Variants in PPP1R16A observed in about 807,000 individuals in gnomAD.
PPP1R16A encodes the protein myosin phosphatase-targeting subunit 3.
A neutral mutation model predicts 46.6 loss-of-function variants in PPP1R16A; 39 were observed. The observed-to-expected ratio is 0.84, with a 90% CI of 0.65 to 1.09. The LOEUF (loss-of-function observed/expected upper bound fraction) is 1.09. Among genes scored for constraint, PPP1R16A ranks in the 50% least tolerant of loss-of-function variants. The pLI is 0.00. For synonymous variants in PPP1R16A, 413 were observed against 321.5 expected (o/e 1.28, Z -3.04); for missense variants, 798 against 735.6 (o/e 1.08, Z -0.98).
At chr8:144,487,536 A>G (rs900161202) in intron 1 of PPP1R16A, among the ~76,000 whole-genome samples, 2 of 151,990 alleles carry the variant, frequency 1.3e-5, no homozygotes, top group Non-Finnish European at 2.9e-5. Context: ...TGCCTGGCTA[A>G]TTTTTTAAAT....
chr8:144,482,938 GC>G (rs1699015305), intron 1 of PPP1R16A, among the ~76,000 whole-genome samples: 1 of 151,768 alleles, frequency 6.6e-6, no homozygotes, highest in African/African-American at 2.4e-5. Flanking sequence ...GAGCCACCGC[GC>G]CCGGCTTATT....
chr8:144,498,687 T>C, intron 3 of PPP1R16A, 83 bp from the exon 4 acceptor site: 1 of 1,381,666 alleles, frequency 7.2e-7, no homozygotes, highest in Non-Finnish European at 9.8e-7. Context: ...TTCCTTGTCC[T>C]TCCCTGGGTC....
intron 1 of PPP1R16A, among the ~76,000 whole-genome samples, chr8:144,483,192 C>T (rs1825506756): frequency 6.6e-6 from 1 of 152,172 alleles, no homozygotes; most frequent in Non-Finnish European, 1.5e-5. Context: ...ACATGTCAGT[C>T]TTTCTATCTA....
At chr8:144,479,110 T>G (rs1825294228) in intron 1 of PPP1R16A, 1 of 152,290 alleles carries the variant, frequency 6.6e-6, no homozygotes, top group Non-Finnish European at 1.5e-5. Context: ...GGGGTTTCTC[T>G]GGGAGAAGGG....
intron 2 of PPP1R16A, among the ~76,000 whole-genome samples, chr8:144,491,058 A>G (rs1825794450): frequency 6.6e-6 from 1 of 152,158 alleles, no homozygotes. Context: ...ACCCTGCCTC[A>G]GAAGCAAACA....
At position 144,500,617 on chromosome 8, in the gene PPP1R16A, G is replaced by A. The variant is rs1207372297; in HGVS notation, c.831+5G>A. ...GCCGCGGCCTACTGGGGCCAGGTGA[G>A]TGCGGGCGGGAGCAGGTGGGAGGGG... On this transcript the variant is annotated splice_donor_5th_base_variant and intron_variant, in intron 8 of 11. Transcript: ENST00000435887. The A allele has an allele frequency of 6.2e-7, 1 of 1,601,914 alleles. No homozygotes were observed. The highest frequency in any genetic ancestry group is 8.5e-7 in the Non-Finnish European group (1 of 1,179,124).
chr8:144,486,056 C>A (rs1825615656), intron 1 of PPP1R16A, among the ~76,000 whole-genome samples: 1 of 152,160 alleles, frequency 6.6e-6, no homozygotes, highest in South Asian at 2.1e-4. Context: ...TCATGTTTCA[C>A]CTGTTACAAG....
At chr8:144,487,622 G>A (rs1359580053) in intron 1 of PPP1R16A, among the ~76,000 whole-genome samples, 1 of 152,092 alleles carries the variant, frequency 6.6e-6, no homozygotes, top group African/African-American at 2.4e-5. Context: ...CTCCTGCCTC[G>A]GCCTCCCAAA....
Position 144,500,915 on chromosome 8 carries a change from C to G in PPP1R16A, c.981C>G (p.Ala327=). The G allele has an allele frequency of 6.5e-7, 1 of 1,531,468 alleles. No homozygotes were observed. Among genetic ancestry groups the G allele is most frequent in the Non-Finnish European group, 8.8e-7 (1 of 1,142,418 alleles). 94.9% of individuals were successfully genotyped at this position (1,531,468 alleles called of 1,614,324 possible). A position where few individuals can be genotyped will look rare whatever the true frequency, so the allele number is the denominator to read the frequency against. The part of the protein sequence containing the change: ...LKHKHDALLR[A]QSRQRSLLRR... ...ACAAGCACGACGCCCTCCTGCGCGCCCAGAGCCGCCAGCGCTCCTTGCTGC... is the reference window on the plus strand; with the variant it reads ...ACAAGCACGACGCCCTCCTGCGCGCGCAGAGCCGCCAGCGCTCCTTGCTGC... Residue 327 remains alanine, a synonymous_variant, in exon 10 of 12, where the codon GCC becomes GCG. Transcript: ENST00000435887.
In PPP1R16A at chr8:144,498,904, C is replaced by T; in HGVS notation, c.331-12C>T. 6.2e-7 allele frequency: 1 copy of T among 1,612,774 alleles called. No homozygotes were observed. The highest frequency in any genetic ancestry group is 8.5e-7 in the Non-Finnish European group (1 of 1,179,846). ...CCCCGTGCTCTGGTCGCTCACGTGG[C>T]ACGGTTTGCAGTGCTGCATTGATGA... On this transcript the variant is annotated splice_polypyrimidine_tract_variant and intron_variant, in intron 4 of 11. Transcript: ENST00000435887.
In PPP1R16A at chr8:144,501,772, C is replaced by T; in HGVS notation, c.1456C>T (p.Leu486=). The T allele has an allele frequency of 6.4e-7, 1 of 1,565,488 alleles. No homozygotes were observed. The highest frequency in any genetic ancestry group is 1.4e-5 in the African/African-American group (1 of 73,636). Residue 486 remains leucine (L), a synonymous_variant, in exon 12 of 12, where the codon CTG becomes TTG. Transcript: ENST00000435887. Reference sequence around the variant, plus strand: ...GAGCCCTGAGACAGCTGAGCCTGGCCTGCCTGGTGACACGGTGACCCCCCA... The same window carrying T: ...GAGCCCTGAGACAGCTGAGCCTGGCTTGCCTGGTGACACGGTGACCCCCCA... ...PESPETAEPG[L]PGDTVTPQPD...
At chr8:144,486,112 G>T (rs1416408470) in intron 1 of PPP1R16A, among the ~76,000 whole-genome samples, 1 of 152,108 alleles carries the variant, frequency 6.6e-6, no homozygotes, top group Non-Finnish European at 1.5e-5. Context: ...GAATAAAGTT[G>T]CCATGAACAT....
chr8:144,500,781 C>T lies in PPP1R16A; in HGVS notation c.907+20C>T, dbSNP rs1184189832. The stretch of plus-strand genomic sequence containing the variant: ...CCCTTGGTGAGCTTGCGGGGCCCAC[C>T]TCCACCTGGGGGAGAGGACAGGCGG... On this transcript the variant is annotated intron_variant, in intron 9 of 11. Transcript: ENST00000435887. 1.2e-6 allele frequency: 2 copies of T among 1,609,352 alleles called. No individual in the cohort carries two copies. Among genetic ancestry groups the T allele is most frequent in the Admixed American group, 1.7e-5 (1 of 59,626 alleles).
intron 3 of PPP1R16A, chr8:144,498,288 C>T (rs965071362): frequency 3.1e-5 from 11 of 352,078 alleles, no homozygotes; most frequent in African/African-American, 1.9e-4. Flanking sequence ...GAGCTGGGCC[C>T]GAGTTGGGAT....
chr8:144,500,920 G>A lies in PPP1R16A; in HGVS notation c.986G>A (p.Ser329Asn), dbSNP rs1270728183. The A allele has an allele frequency of 6.5e-7, 1 of 1,528,498 alleles. No individual in the cohort carries two copies. Among genetic ancestry groups the A allele is most frequent in the African/African-American group, 1.4e-5 (1 of 70,534 alleles). The allele number at this position is 1,528,498 out of a possible 1,614,324, so 94.7% of individuals were successfully genotyped here. A position where few individuals can be genotyped will look rare whatever the true frequency, so the allele number is the denominator to read the frequency against. Residue 329 changes from serine (S) to asparagine (N), a missense_variant, in exon 10 of 12, where the codon AGC (serine) becomes AAC (asparagine). Physicochemically the swap from Ser to Asn is conservative, Grantham distance 46. Transcript: ENST00000435887. Reference sequence around the variant, plus strand: ...CACGACGCCCTCCTGCGCGCCCAGAGCCGCCAGCGCTCCTTGCTGCGCCGC... The same window carrying A: ...CACGACGCCCTCCTGCGCGCCCAGAACCGCCAGCGCTCCTTGCTGCGCCGC... ...HKHDALLRAQSRQRSLLRRRT... is the reference protein window; with the variant it reads ...HKHDALLRAQNRQRSLLRRRT...
chr8:144,497,860 G>C (rs1249067111), intron 3 of PPP1R16A: 4 of 368,822 alleles, frequency 1.1e-5, no homozygotes, highest in Non-Finnish European at 1.6e-5. Context: ...GTGAAATAGG[G>C]TGGGACCAGC....
At chr8:144,494,581 G>C (rs779393536) in intron 2 of PPP1R16A, among the ~76,000 whole-genome samples, 19 of 152,188 alleles carry the variant, frequency 1.2e-4, no homozygotes, top group Non-Finnish European at 2.6e-4. Flanking sequence ...GTGCTGGCAT[G>C]AGCCACTGTT....
intron 1 of PPP1R16A, among the ~76,000 whole-genome samples, chr8:144,489,684 G>A (rs1825739788): frequency 6.6e-6 from 1 of 152,146 alleles, no homozygotes; most frequent in Admixed American, 6.5e-5. Context: ...GTGGTGTGAC[G>A]TGCTGATGTG....
At chr8:144,501,333 G>C (rs1586765926) in intron 11 of PPP1R16A, 39 bp downstream of exon 11, 1 of 1,538,286 alleles carries the variant, frequency 6.5e-7, no homozygotes, top group African/African-American at 1.4e-5. Flanking sequence ...CGCAGGGGTG[G>C]GCCTGGCTCT....
Sources: allele counts gnomAD v4.1 joint callset (sites outside exome capture counted in the v4.1 genomes callset), GRCh38; gene constraint gnomAD v4.1.1; transcripts MANE v1.5; gene names NCBI Gene and HGNC (gene_info 2026-07-23, HGNC 2026-07-21).